The following MICU1 variants were observed in gnomAD, a reference collection of about 807,000 sequenced individuals.
MICU1 encodes the protein mitochondrial calcium uptake 1.
Under a neutral mutation model 56.8 loss-of-function variants are expected in MICU1, and 45 were observed. The observed-to-expected ratio is 0.79, with a 90% CI of 0.62 to 1.02. MICU1 has a LOEUF of 1.02. Among genes scored for constraint, MICU1 ranks in the 50% least tolerant of loss-of-function variants. MICU1 has a pLI of 0.00. For synonymous variants in MICU1, 186 were observed against 195.1 expected (o/e 0.95, Z 0.39); for missense variants, 504 against 587.1 (o/e 0.86, Z 1.46).
At chr10:72,424,258 G>A (rs1444255004) in intron 8 of MICU1, among the ~76,000 whole-genome samples, 2 of 152,000 alleles carry the variant, frequency 1.3e-5, no homozygotes, top group African/African-American at 2.4e-5. Flanking sequence ...GATTACAGGT[G>A]CACACCACCA....
At chr10:72,595,727 C>G (rs1841362194) in intron 1 of MICU1, among the ~76,000 whole-genome samples, 1 of 152,092 alleles carries the variant, frequency 6.6e-6, no homozygotes, top group Admixed American at 6.6e-5. Context: ...CCACAAAGGT[C>G]TGGACAAGCT....
chr10:72,510,505 G>A (rs1589292254), intron 5 of MICU1, among the ~76,000 whole-genome samples: 2 of 151,968 alleles, frequency 1.3e-5, no homozygotes, highest in Admixed American at 6.6e-5. Flanking sequence ...AATCCCAAAC[G>A]TTGAAATCCC....
intron 1 of MICU1, among the ~76,000 whole-genome samples, chr10:72,615,528 T>C (rs1422896904): frequency 6.6e-6 from 1 of 152,210 alleles, no homozygotes; most frequent in African/African-American, 2.4e-5. Flanking sequence ...GCAAGAATTC[T>C]GCATAGATTA....
intron 1 of MICU1, among the ~76,000 whole-genome samples, chr10:72,584,267 G>C (rs559703593): frequency 2.6e-5 from 4 of 151,940 alleles, no homozygotes; most frequent in South Asian, 4.2e-4. Context: ...TTAACGTCTG[G>C]TGAAGGAAGA....
At chr10:72,399,281 G>C (rs574983477) in intron 10 of MICU1, among the ~76,000 whole-genome samples, 2 of 151,964 alleles carry the variant, frequency 1.3e-5, no homozygotes, top group South Asian at 4.1e-4. Context: ...TTGGACACAG[G>C]AAGGGGAACA....
At chr10:72,370,860 TCTCTACTAAAAATACAAAAAATTAG>T in intron 11 of MICU1, among the ~76,000 whole-genome samples, 1 of 151,188 alleles carries the variant, frequency 6.6e-6, no homozygotes, top group East Asian at 2.0e-4. Flanking sequence ...GTAAACCCTG[TCTCTACTAAAAATACAAAAAATTAG>T]CTGGGCATGG....
At chr10:72,625,850 G>C (rs901376880) in intron 1 of MICU1, among the ~76,000 whole-genome samples, 160 bp downstream of exon 1, 2 of 152,214 alleles carry the variant, frequency 1.3e-5, no homozygotes, top group African/African-American at 4.8e-5. Flanking sequence ...GCATCAGGGA[G>C]AGACAGGTAT....
chr10:72,613,339 G>T (rs1841901550), intron 1 of MICU1, among the ~76,000 whole-genome samples: 1 of 148,560 alleles, frequency 6.7e-6, no homozygotes, highest in Non-Finnish European at 1.5e-5. Context: ...AGTGGCATGA[G>T]CATAGCACTC....
At chr10:72,379,463 C>A (rs1442193035) in intron 10 of MICU1, 5 of 326,166 alleles carry the variant, frequency 1.5e-5, no homozygotes, top group Non-Finnish European at 3.1e-5. Context: ...TTCACATCAA[C>A]CTTAAGCTTC....
At chr10:72,371,058 A>G (rs1862316745) in intron 11 of MICU1, among the ~76,000 whole-genome samples, 1 of 150,656 alleles carries the variant, frequency 6.6e-6, no homozygotes, top group African/African-American at 2.4e-5. Flanking sequence ...ACTTTTCCAT[A>G]TATTATATTG....
Position 72,563,173 on chromosome 10 carries a change from T to C in MICU1, c.162-110A>G, listed in dbSNP as rs1181576004. 8 of 799,442 alleles carry C rather than the reference T, an allele frequency of 1.0e-5. No individual in the cohort carries two copies. The East Asian group carries it at 2.5e-4, about 25-fold the overall frequency. The allele number at this position is 799,442 out of a possible 1,614,324, so 49.5% of individuals were successfully genotyped here. A position where few individuals can be genotyped will look rare whatever the true frequency, so the allele number is the denominator to read the frequency against. ...CAACAGCAATGAAATTTGTCAAATA[T>C]TCTACATGAAGAAGTTCCTCAAAAA... On this transcript the variant is annotated intron_variant, in intron 2 of 11. Transcript: ENST00000361114.
intron 4 of MICU1, among the ~76,000 whole-genome samples, chr10:72,545,950 T>TTTA: frequency 6.6e-6 from 1 of 152,310 alleles, no homozygotes; most frequent in Admixed American, 6.5e-5. Context: ...CAATCTTAAA[T>TTTA]ATCTGTTTTA....
chr10:72,432,801 G>A (rs1027590143), intron 8 of MICU1, among the ~76,000 whole-genome samples: 5 of 152,300 alleles, frequency 3.3e-5, no homozygotes, highest in African/African-American at 7.2e-5. Flanking sequence ...CCAACATTGC[G>A]GGGGTCACAT....
intron 6 of MICU1, among the ~76,000 whole-genome samples, chr10:72,481,692 G>A (rs981610674): frequency 7.2e-5 from 11 of 152,290 alleles, no homozygotes; most frequent in Admixed American, 5.9e-4. Context: ...GATTACAGGC[G>A]TGAGCCACAG....
At chr10:72,478,342 A>G (rs1175075084) in intron 6 of MICU1, among the ~76,000 whole-genome samples, 2 of 152,222 alleles carry the variant, frequency 1.3e-5, no homozygotes, top group East Asian at 3.8e-4. Context: ...ATCAGTCATA[A>G]TATCATTAAT....
chr10:72,380,336 G>T (rs1041810891), intron 10 of MICU1, among the ~76,000 whole-genome samples: 2 of 152,140 alleles, frequency 1.3e-5, no homozygotes, highest in African/African-American at 4.8e-5. Context: ...AAGTGCGATT[G>T]GGTGATTCCT....
chr10:72,468,124 C>T (rs564696252), intron 8 of MICU1, among the ~76,000 whole-genome samples: 3 of 152,232 alleles, frequency 2.0e-5, no homozygotes, highest in East Asian at 1.9e-4. Flanking sequence ...CATGAGCCAT[C>T]GTGCCGGGCC....
At chr10:72,601,714 T>C (rs1032976892) in intron 1 of MICU1, among the ~76,000 whole-genome samples, 2 of 152,012 alleles carry the variant, frequency 1.3e-5, no homozygotes, top group African/African-American at 2.4e-5. Flanking sequence ...TGTATTAATA[T>C]GCTCAAATTT....
intron 11 of MICU1, among the ~76,000 whole-genome samples, chr10:72,373,795 T>C (rs116437799): frequency 0.029 from 4,373 of 152,182 alleles, 184 homozygotes; most frequent in African/African-American, 0.1. Flanking sequence ...TTGGAAAAAA[T>C]TTAAACCACC....
Sources: gnomAD v4.1 joint callset for allele counts (sites outside exome capture counted in the v4.1 genomes callset) on GRCh38, gnomAD v4.1.1 for gene constraint, MANE v1.5 for transcripts, NCBI Gene and HGNC (gene_info 2026-07-23, HGNC 2026-07-21) for gene names.